Variants in WLS observed in about 807,000 individuals in gnomAD.
The protein encoded by WLS is protein wntless homolog.
A neutral mutation model predicts 62.8 loss-of-function variants in WLS; 23 were observed. That is an observed-to-expected ratio of 0.37 (90% confidence interval 0.26 to 0.52). WLS has a LOEUF of 0.52. Among genes scored for constraint, WLS ranks in the 20% least tolerant of loss-of-function variants. The pLI is 0.92. For missense variants in WLS, 615 were observed against 697.3 expected (o/e 0.88, Z 1.33); for synonymous variants, 246 against 244.1 (o/e 1.01, Z -0.07).
intron 8 of WLS, among the ~76,000 whole-genome samples, chr1:68,146,792 C>G (rs190311229): frequency 5.8e-4 from 89 of 152,292 alleles, no homozygotes; most frequent in African/African-American, 2.0e-3. Flanking sequence ...CCAATTAGAG[C>G]CAGTCTGAGA....
chr1:68,219,038 C>A (rs1479704391), intron 1 of WLS, among the ~76,000 whole-genome samples: 1 of 152,190 alleles, frequency 6.6e-6, no homozygotes, highest in Non-Finnish European at 1.5e-5. Flanking sequence ...AAATAGCCCT[C>A]ACGGAACAGA....
chr1:68,113,714 G>A (rs269352), intron 11 of WLS, among the ~76,000 whole-genome samples: 56,211 of 151,920 alleles, frequency 0.37, 10,551 homozygotes, highest in Admixed American at 0.41. Flanking sequence ...GAAATGCATC[G>A]TCTCAGGCCC....
chr1:68,126,638 A>T (rs1316385644), intron 11 of WLS, among the ~76,000 whole-genome samples: 1 of 152,152 alleles, frequency 6.6e-6, no homozygotes, highest in Non-Finnish European at 1.5e-5. Flanking sequence ...TTTGTGCCTG[A>T]CGCTATTCTA....
chr1:68,109,268 A>G (rs182279832), intron 11 of WLS, among the ~76,000 whole-genome samples: 1 of 152,362 alleles, frequency 6.6e-6, no homozygotes, highest in East Asian at 1.9e-4. Context: ...CTGGCTCTCA[A>G]CAAAAACAAA....
intron 1 of WLS, among the ~76,000 whole-genome samples, chr1:68,219,758 A>G (rs1649870506): frequency 6.6e-6 from 1 of 152,176 alleles, no homozygotes; most frequent in South Asian, 2.1e-4. Context: ...TTTTGTTTAA[A>G]ATTTCTTATA....
chr1:68,214,532 T>G (rs1028590064), intron 1 of WLS, among the ~76,000 whole-genome samples: 1 of 152,092 alleles, frequency 6.6e-6, no homozygotes, highest in Non-Finnish European at 1.5e-5. Flanking sequence ...ATTCGGCTAA[T>G]TTTTGTATTT....
intron 8 of WLS, 128 bp downstream of exon 8, chr1:68,148,008 G>T: frequency 1.0e-6 from 1 of 967,024 alleles, no homozygotes; most frequent in Non-Finnish European, 1.6e-6. Context: ...GTGCTGTTAT[G>T]ATTGGCCTGA....
intron 2 of WLS, among the ~76,000 whole-genome samples, chr1:68,174,418 C>T (rs6677666): frequency 0.21 from 31,664 of 152,168 alleles, 3,867 homozygotes; most frequent in Middle Eastern, 0.29. Flanking sequence ...GGACATTCCT[C>T]GAGTTGGGCT....
intron 2 of WLS, among the ~76,000 whole-genome samples, chr1:68,183,892 T>C (rs765365457): frequency 2.6e-5 from 4 of 152,012 alleles, no homozygotes; most frequent in East Asian, 1.9e-4. Context: ...GAAAAATCAC[T>C]TGCCACTTAT....
chr1:68,189,203 T>C (rs1352671777), intron 2 of WLS, among the ~76,000 whole-genome samples: 1 of 152,176 alleles, frequency 6.6e-6, no homozygotes, highest in Non-Finnish European at 1.5e-5. Context: ...AGTACTTGTG[T>C]GCAAGTCATC....
chr1:68,134,723 C>A (rs1439653027), intron 11 of WLS, among the ~76,000 whole-genome samples: 1 of 152,210 alleles, frequency 6.6e-6, no homozygotes, highest in Non-Finnish European at 1.5e-5. Context: ...GGGGATATGA[C>A]CTCTTGTTGA....
chr1:68,118,373 C>A (rs771739341), intron 11 of WLS, among the ~76,000 whole-genome samples: 7 of 152,150 alleles, frequency 4.6e-5, no homozygotes, highest in Non-Finnish European at 1.0e-4. Flanking sequence ...AGTGAGGATG[C>A]GGGCCACAGC....
chr1:68,162,598 A>C, intron 2 of WLS: 1 of 1,412,116 alleles, frequency 7.1e-7, no homozygotes, highest in Non-Finnish European at 1.0e-6. Flanking sequence ...GTTCTGCTCC[A>C]TGCTCTGAAC....
At chr1:68,180,033 G>A (rs1647462667) in intron 2 of WLS, among the ~76,000 whole-genome samples, 2 of 150,648 alleles carry the variant, frequency 1.3e-5, no homozygotes, top group African/African-American at 2.5e-5. Flanking sequence ...GGAGGGGGAA[G>A]TTAAGGCCAA....
intron 11 of WLS, among the ~76,000 whole-genome samples, chr1:68,103,930 G>T (rs1449559021): frequency 2.0e-5 from 3 of 152,118 alleles, no homozygotes; most frequent in African/African-American, 7.2e-5. Context: ...TGGGGGCAGG[G>T]GACAATTTTC....
At chr1:68,216,506 C>T (rs1311919745) in intron 1 of WLS, among the ~76,000 whole-genome samples, 2 of 152,216 alleles carry the variant, frequency 1.3e-5, no homozygotes, top group Non-Finnish European at 2.9e-5. Context: ...AAGCCTCTGG[C>T]TCCTCCATTA....
intron 11 of WLS, among the ~76,000 whole-genome samples, chr1:68,128,167 A>G (rs1012648528): frequency 6.6e-6 from 1 of 152,114 alleles, no homozygotes; most frequent in African/African-American, 2.4e-5. Context: ...GCACATCCAC[A>G]TTCATCTGCC....
chr1:68,120,115 A>G (rs1646345673), intron 11 of WLS, among the ~76,000 whole-genome samples: 2 of 152,274 alleles, frequency 1.3e-5, no homozygotes, highest in South Asian at 4.2e-4. Context: ...CCATTGCCCT[A>G]GGATGCCATT....
intron 11 of WLS, among the ~76,000 whole-genome samples, chr1:68,137,449 G>T (rs1646626906): frequency 6.6e-6 from 1 of 152,150 alleles, no homozygotes; most frequent in Admixed American, 6.5e-5. Flanking sequence ...AATAAACATG[G>T]CATAGTTTCC....
Sources: allele counts gnomAD v4.1 joint callset (sites outside exome capture counted in the v4.1 genomes callset), GRCh38; gene constraint gnomAD v4.1.1; transcripts MANE v1.5; gene names NCBI Gene and HGNC (gene_info 2026-07-23, HGNC 2026-07-21).